Variants in DOCK1 observed in about 807,000 individuals in gnomAD.
The protein encoded by DOCK1 is dedicator of cytokinesis protein 1.
Under a neutral mutation model 262.7 loss-of-function variants are expected in DOCK1, and 138 were observed. The observed-to-expected ratio is 0.53, with a 90% CI of 0.46 to 0.61. The LOEUF is 0.61. Ranked by LOEUF, DOCK1 falls within the 20% of genes least tolerant of loss-of-function variation. The pLI is 0.00. For missense variants in DOCK1, 1,908 were observed against 2,370.7 expected (o/e 0.80, Z 4.05); for synonymous variants, 866 against 867.4 (o/e 1.00, Z 0.03).
At chr10:126,924,425 G>A (rs190195596) in intron 1 of DOCK1, among the ~76,000 whole-genome samples, 118 of 145,712 alleles carry the variant, frequency 8.1e-4, no homozygotes, top group African/African-American at 2.9e-3. Context: ...AGTAGGGGGA[G>A]GCTGTGAGTG....
At chr10:127,179,435 A>C (rs1589803730) in intron 27 of DOCK1, among the ~76,000 whole-genome samples, 2 of 152,350 alleles carry the variant, frequency 1.3e-5, no homozygotes, top group South Asian at 2.1e-4. Context: ...GACTTAAAAA[A>C]CAGTAATAGT....
chr10:127,105,808 G>T (rs1421512912), intron 23 of DOCK1, among the ~76,000 whole-genome samples: 2 of 152,162 alleles, frequency 1.3e-5, no homozygotes, highest in Non-Finnish European at 2.9e-5. Context: ...TGCCGGGGCT[G>T]GATTGCCATG....
At chr10:127,239,052 G>T (rs2134668442) in intron 27 of DOCK1, among the ~76,000 whole-genome samples, 1 of 152,348 alleles carries the variant, frequency 6.6e-6, no homozygotes, top group East Asian at 1.9e-4. Context: ...ATGCTTTCCT[G>T]CACACCCTGC....
intron 23 of DOCK1, among the ~76,000 whole-genome samples, chr10:127,077,713 A>G (rs1474516243): frequency 6.6e-6 from 1 of 152,202 alleles, no homozygotes; most frequent in Non-Finnish European, 1.5e-5. Context: ...CCCCCCAAAT[A>G]GATGACAGAT....
intron 1 of DOCK1, among the ~76,000 whole-genome samples, chr10:126,967,632 C>T (rs2037770281): frequency 6.6e-6 from 1 of 152,056 alleles, no homozygotes; most frequent in African/African-American, 2.4e-5. Context: ...TCTGCGCTTC[C>T]TCACCGCTTC....
intron 1 of DOCK1, among the ~76,000 whole-genome samples, chr10:126,921,074 C>G (rs2033142003): frequency 6.6e-6 from 1 of 151,962 alleles, no homozygotes; most frequent in Admixed American, 6.6e-5. Context: ...GTGGTTCGCA[C>G]CTGTAATACC....
chr10:127,343,710 A>G lies in DOCK1; in HGVS notation c.3188A>G (p.Asn1063Ser). 1 of 1,610,962 alleles carries G rather than the reference A, an allele frequency of 6.2e-7. No homozygotes were observed. Among genetic ancestry groups the G allele is most frequent in the Non-Finnish European group, 8.5e-7 (1 of 1,178,746 alleles). ...FLTQESLQLE[N>S]FSSAKRAKIL... The stretch of plus-strand genomic sequence containing the variant: ...ACTCAAGAGTCCCTGCAACTGGAGA[A>G]TTTTTCAAGTGCCAAGAGAGCCAAA... Residue 1063 changes from asparagine to serine, a missense_variant, in exon 31 of 52, where the codon AAT becomes AGT. By Grantham distance (46) the Asn-to-Ser change is conservative. Around this residue, in one of 9 missense-constraint regions of DOCK1, gnomAD observed 518 missense variants for 575.1 expected, o/e 0.90. Transcript: ENST00000623213.
chr10:127,210,802 C>T (rs773826993), intron 27 of DOCK1, among the ~76,000 whole-genome samples: 1 of 152,164 alleles, frequency 6.6e-6, no homozygotes, highest in Non-Finnish European at 1.5e-5. Context: ...CCTCTCCCTC[C>T]GCTGCATTGT....
intron 11 of DOCK1, among the ~76,000 whole-genome samples, chr10:127,010,636 T>G (rs2041357599): frequency 6.6e-6 from 1 of 152,168 alleles, no homozygotes; most frequent in African/African-American, 2.4e-5. Flanking sequence ...TGTTGTTTTG[T>G]AGTCCCATCC....
rs759411944 is a variant in DOCK1 at position 126,981,730 on chromosome 10, G to A, written c.172-188G>A. ...CCTGTTTGCTTCTAAGACATCGGCA[G>A]ACTGCAATACAAGCCAAATGAGTTG... is the stretch of plus-strand genomic sequence containing the variant. On this transcript the variant is annotated intron_variant, in intron 3 of 51. Coordinates refer to ENST00000623213, the MANE Select transcript of DOCK1 (RefSeq NM_001290223.2). Among the ~76,000 whole-genome samples, 70 of 152,284 alleles carry A rather than the reference G, an allele frequency of 4.6e-4. 1 individual carries two copies. Among genetic ancestry groups the A allele is most frequent in the Admixed American group, 1.4e-3 (21 of 15,302 alleles).
intron 29 of DOCK1, among the ~76,000 whole-genome samples, chr10:127,329,246 G>A (rs529274687): frequency 6.6e-6 from 1 of 152,274 alleles, no homozygotes; most frequent in Admixed American, 6.5e-5. Context: ...GAGGGGTGGG[G>A]CACGGTCACC....
intron 38 of DOCK1, among the ~76,000 whole-genome samples, chr10:127,399,711 G>T (rs989125938): frequency 1.3e-5 from 2 of 152,154 alleles, no homozygotes; most frequent in Admixed American, 6.5e-5. Context: ...GGCAGCTACA[G>T]AGTTTGTATC....
intron 1 of DOCK1, among the ~76,000 whole-genome samples, chr10:126,939,887 A>G (rs934039272): frequency 8.3e-4 from 127 of 152,314 alleles, no homozygotes; most frequent in African/African-American, 2.9e-3. Context: ...CATGTCCCCA[A>G]TGAAGGAGAC....
At chr10:127,058,546 A>T (rs2045324193) in intron 22 of DOCK1, among the ~76,000 whole-genome samples, 1 of 151,840 alleles carries the variant, frequency 6.6e-6, no homozygotes, top group Non-Finnish European at 1.5e-5. Context: ...TTTTTGCATT[A>T]ATTTTCCCTT....
intron 23 of DOCK1, among the ~76,000 whole-genome samples, chr10:127,075,384 G>A (rs554565890): frequency 5.3e-5 from 8 of 151,998 alleles, no homozygotes; most frequent in Admixed American, 2.0e-4. Context: ...TGACCCTTCC[G>A]CCTCAGCTTC....
chr10:127,380,657 C>T (rs1357832531), intron 36 of DOCK1, among the ~76,000 whole-genome samples: 2 of 152,106 alleles, frequency 1.3e-5, no homozygotes, highest in Non-Finnish European at 2.9e-5. Flanking sequence ...GTGATTGAGC[C>T]CTTCTCTCTT....
chr10:127,434,366 C>T (rs2069515999), intron 48 of DOCK1, among the ~76,000 whole-genome samples: 1 of 152,174 alleles, frequency 6.6e-6, no homozygotes, highest in South Asian at 2.1e-4. Context: ...CAGACTCTCA[C>T]TCTGCCACCC....
intron 1 of DOCK1, among the ~76,000 whole-genome samples, chr10:126,913,835 T>G (rs781115828): frequency 3.3e-5 from 5 of 152,198 alleles, no homozygotes; most frequent in Non-Finnish European, 7.3e-5. Flanking sequence ...TTAGGGGTCA[T>G]AGAGATCCGT....
chr10:127,047,195 GA>G (rs2044405900), intron 21 of DOCK1, among the ~76,000 whole-genome samples: 1 of 19,472 alleles, frequency 5.1e-5, no homozygotes, highest in Non-Finnish European at 9.0e-5. Context: ...TCATCCTTAT[GA>G]ACAAGATTAT....
Sources: allele counts gnomAD v4.1 joint callset (sites outside exome capture counted in the v4.1 genomes callset), GRCh38; gene constraint gnomAD v4.1.1; regional missense constraint gnomAD v4.1.1; transcripts MANE v1.5; gene names NCBI Gene and HGNC (gene_info 2026-07-23, HGNC 2026-07-21).